Variants in GUCY2F observed in about 807,000 individuals in gnomAD.
The protein encoded by GUCY2F is retinal guanylyl cyclase 2.
GUCY2F carries 61 observed loss-of-function variants against 73.1 expected under a neutral mutation model. The ratio of observed to expected loss-of-function variants is 0.83; its 90% CI spans 0.68 to 1.03. The LOEUF (loss-of-function observed/expected upper bound fraction) is 1.03, where lower values mean the gene tolerates loss of function less well. GUCY2F is among the 50% of genes least tolerant of loss of function. The pLI is 0.00. For synonymous variants in GUCY2F, 331 were observed against 307.8 expected (o/e 1.08, Z -0.79); for missense variants, 912 against 854.3 (o/e 1.07, Z -0.84).
intron 6 of GUCY2F, among the ~76,000 whole-genome samples, chrX:109,442,826 T>C (rs1312607208): frequency 8.9e-6 from 1 of 111,732 alleles, no homozygotes; most frequent in Non-Finnish European, 1.9e-5. Context: ...GGAATCTATT[T>C]CCCTTTCATT....
intron 3 of GUCY2F, among the ~76,000 whole-genome samples, chrX:109,454,085 C>T (rs903530380): frequency 9.0e-6 from 1 of 110,989 alleles, no homozygotes; most frequent in Non-Finnish European, 1.9e-5. Context: ...TCAAATATGA[C>T]AATTTTATGA....
At chrX:109,416,933 CAA>C (rs367707786) in intron 8 of GUCY2F, among the ~76,000 whole-genome samples, 4 of 57,609 alleles carry the variant, frequency 6.9e-5, no homozygotes, top group Admixed American at 2.0e-4. Flanking sequence ...CAAAGAAATG[CAA>C]AAAAAAAAAA....
At chrX:109,380,594 A>G (rs1275592812) in intron 17 of GUCY2F, among the ~76,000 whole-genome samples, 2 of 111,363 alleles carry the variant, frequency 1.8e-5, no homozygotes, top group Non-Finnish European at 3.8e-5. Context: ...TCCAGGCCCA[A>G]TGTGGCATCA....
chrX:109,440,147 A>C (rs1263868124), intron 7 of GUCY2F, among the ~76,000 whole-genome samples: 2 of 112,027 alleles, frequency 1.8e-5, no homozygotes, highest in Non-Finnish European at 3.8e-5. Context: ...TGGGATGTCC[A>C]AGATCAAGGT....
At chrX:109,438,029 G>A (rs905654681) in intron 7 of GUCY2F, among the ~76,000 whole-genome samples, 1 of 112,549 alleles carries the variant, frequency 8.9e-6, no homozygotes, top group Non-Finnish European at 1.9e-5. Context: ...CCCTCACATA[G>A]ACTGAACAAA....
chrX:109,448,225 T>G, intron 5 of GUCY2F, 60 bp from the exon 6 acceptor site: 1 of 597,840 alleles, frequency 1.7e-6, no homozygotes. Flanking sequence ...AAAGCCAGGG[T>G]TAATTTGCCC....
chrX:109,404,400 T>C lies in GUCY2F; in HGVS notation c.2053A>G (p.Lys685Glu). The C allele has an allele frequency of 1.7e-6, 2 of 1,190,594 alleles. No individual in the cohort carries two copies. The highest frequency in any genetic ancestry group is 2.3e-6 in the Non-Finnish European group (2 of 876,156). ...TCGTTAAAGCCATAATCTGTCACTTTTAGTACAAAACGCCCATCTACCACA... is the reference window on the plus strand; with the variant it reads ...TCGTTAAAGCCATAATCTGTCACTTCTAGTACAAAACGCCCATCTACCACA... ...NCVVDGRFVLKVTDYGFNDIL... is the reference protein window; with the variant it reads ...NCVVDGRFVLEVTDYGFNDIL... The change falls in exon 10 of 20, where the codon AAA (lysine) becomes GAA (glutamate). Residue 685 changes from lysine (K) to glutamate (E), a missense_variant. Lys to Glu is a moderately conservative substitution (Grantham distance 56). Transcript: ENST00000218006.
At chrX:109,376,867 C>T (rs1172306881) in intron 17 of GUCY2F, among the ~76,000 whole-genome samples, 1 of 111,921 alleles carries the variant, frequency 8.9e-6, no homozygotes, top group Non-Finnish European at 1.9e-5. Context: ...ACTTTCCTCT[C>T]AATGTGCTTC....
At chrX:109,426,422 T>C (rs1931487785) in intron 8 of GUCY2F, among the ~76,000 whole-genome samples, 1 of 112,108 alleles carries the variant, frequency 8.9e-6, no homozygotes, top group African/African-American at 3.2e-5. Context: ...GGAGTCTTGG[T>C]CTGTCGCCCA....
chrX:109,378,938 ATTGCAG>A (rs1307464407), intron 17 of GUCY2F, among the ~76,000 whole-genome samples: 6 of 112,166 alleles, frequency 5.3e-5, no homozygotes. Flanking sequence ...TCCCATGTTC[ATTGCAG>A]CACTAGGCAC....
At chrX:109,476,735 TA>T (rs1205759405) in intron 1 of GUCY2F, among the ~76,000 whole-genome samples, 1 of 101,580 alleles carries the variant, frequency 9.8e-6, no homozygotes, top group Non-Finnish European at 1.9e-5. Context: ...GATAGATAGA[TA>T]GATAGATAGA....
chrX:109,430,242 T>C, intron 8 of GUCY2F, 65 bp downstream of exon 8: 1 of 639,464 alleles, frequency 1.6e-6, no homozygotes, highest in African/African-American at 2.1e-5. Context: ...ACAGCTCTGA[T>C]GTTAGTTACT....
At chrX:109,461,539 C>T (rs752611516) in intron 3 of GUCY2F, among the ~76,000 whole-genome samples, 8 of 112,108 alleles carry the variant, frequency 7.1e-5, no homozygotes, top group Non-Finnish European at 1.3e-4. Context: ...CTTGTTAATG[C>T]ATTTGCTTAA....
At chrX:109,469,408 T>C (rs1034989848) in intron 2 of GUCY2F, among the ~76,000 whole-genome samples, 1 of 110,898 alleles carries the variant, frequency 9.0e-6, no homozygotes, top group Admixed American at 9.5e-5. Context: ...CTGGCTATGG[T>C]GTCCTCCATG....
intron 7 of GUCY2F, among the ~76,000 whole-genome samples, chrX:109,433,343 T>C (rs142356196): frequency 2.1e-3 from 232 of 111,922 alleles, no homozygotes; most frequent in Non-Finnish European, 3.6e-3. Flanking sequence ...AATCCCTTCA[T>C]ATTTTGATAA....
rs188504259 is a variant in GUCY2F at position 109,426,641 on chromosome X, G to A, written c.1791+3666C>T. Reference sequence around the variant, plus strand: ...CCTGACCTTGTGATCCGCCCGCCTCGGCCTCCCAAAGTGCTGGGATTACAG... The same window carrying A: ...CCTGACCTTGTGATCCGCCCGCCTCAGCCTCCCAAAGTGCTGGGATTACAG... On this transcript the variant is annotated intron_variant, in intron 8 of 19. Transcript: ENST00000218006. 2.2e-3 allele frequency among the ~76,000 whole-genome samples: 244 copies of A among 111,968 alleles called. 2 individuals carry two copies. Among genetic ancestry groups the A allele is most frequent in the African/African-American group, 7.4e-3 (229 of 30,843 alleles).
intron 9 of GUCY2F, among the ~76,000 whole-genome samples, chrX:109,407,215 G>C (rs1930993809): frequency 8.9e-6 from 1 of 112,068 alleles, no homozygotes; most frequent in African/African-American, 3.2e-5. Flanking sequence ...CTGGGAACTG[G>C]AGCAAAGGTG....
In GUCY2F at chrX:109,429,339, A is replaced by T. The variant is rs1010619137; in HGVS notation, c.1791+968T>A. ...GAGGCAGGAGAATCGCCTTGAACCCAGGAGGCGGAGGTTGCAGTGAGCTGA... is the reference window on the plus strand; with the variant it reads ...GAGGCAGGAGAATCGCCTTGAACCCTGGAGGCGGAGGTTGCAGTGAGCTGA... On this transcript the variant is annotated intron_variant, in intron 8 of 19. Transcript: ENST00000218006. Among the ~76,000 whole-genome samples the T allele has an allele frequency of 4.6e-5, 5 of 108,112 alleles. No individual in the cohort carries two copies. The Admixed American group carries it at 4.9e-4, about 11-fold the overall frequency. 93.9% of individuals were successfully genotyped at this position (108,112 alleles called of 115,157 possible). A position where few individuals can be genotyped will look rare whatever the true frequency, so the allele number is the denominator to read the frequency against.
chrX:109,401,629 G>A (rs1930841647), intron 10 of GUCY2F, among the ~76,000 whole-genome samples: 1 of 111,765 alleles, frequency 8.9e-6, no homozygotes, highest in Non-Finnish European at 1.9e-5. Flanking sequence ...CACAGAGCTT[G>A]TAGTTTGGGT....
Sources: allele counts gnomAD v4.1 joint callset (sites outside exome capture counted in the v4.1 genomes callset), GRCh38; gene constraint gnomAD v4.1.1; transcripts MANE v1.5; gene names NCBI Gene and HGNC (gene_info 2026-07-23, HGNC 2026-07-21).